SLC35A3: variants seen among roughly 807,000 people sequenced by gnomAD.
SLC35A3 encodes the protein solute carrier family 35 member A3.
SLC35A3 carries 26 observed loss-of-function variants against 39.0 expected under a neutral mutation model. The ratio of observed to expected loss-of-function variants is 0.67; its 90% CI spans 0.49 to 0.92. SLC35A3 has a LOEUF of 0.92. SLC35A3 is among the 40% of genes least tolerant of loss of function. The pLI is 0.00. For synonymous variants in SLC35A3, 135 were observed against 133.1 expected (o/e 1.01, Z -0.10); for missense variants, 299 against 371.6 (o/e 0.80, Z 1.61).
chr1:99,994,201 A>G (rs568612232), intron 2 of SLC35A3, among the ~76,000 whole-genome samples: 13 of 152,272 alleles, frequency 8.5e-5, no homozygotes, highest in East Asian at 7.7e-4. Flanking sequence ...GGTTTTTGGT[A>G]TATTTCAATT....
At position 100,022,633 on chromosome 1, in the gene SLC35A3, T is replaced by C. The variant is rs1660640260; in HGVS notation, c.*157T>C. On this transcript the variant is annotated 3_prime_UTR_variant, in exon 8 of 8. Transcript: ENST00000533028. ...TTTAAGGATAAGACATGTGTATATG[T>C]AACAAAACACATTGCATCTAGAAAT... 1 of 420,276 alleles carries C rather than the reference T, an allele frequency of 2.4e-6. No individual in the cohort carries two copies. The highest frequency in any genetic ancestry group is 4.3e-6 in the Non-Finnish European group (1 of 234,284). The allele number at this position is 420,276 out of a possible 1,614,324, so 26.0% of individuals were successfully genotyped here.
At position 100,031,688 on chromosome 1, in the gene SLC35A3, A is replaced by G. The variant is rs1206561291; in HGVS notation, c.*9212A>G. 6.6e-6 allele frequency: 1 copy of G among 152,210 alleles called. No homozygotes were observed. Among genetic ancestry groups the G allele is most frequent in the East Asian group, 1.9e-4 (1 of 5,196 alleles). The allele number at this position is 152,210 out of a possible 1,614,324, so 9.4% of individuals were successfully genotyped here. On this transcript the variant is annotated 3_prime_UTR_variant, in exon 8 of 8. Coordinates refer to ENST00000533028, the MANE Select transcript of SLC35A3 (RefSeq NM_012243.3). ...AATCTGCATATAAGTGGACCCATGC[A>G]GTTCAAATCTGTTGTTCAAGAGTCA... is the stretch of plus-strand genomic sequence containing the variant.
intron 1 of SLC35A3, among the ~76,000 whole-genome samples, chr1:99,981,362 T>C (rs1334574914): frequency 6.6e-6 from 1 of 152,200 alleles, no homozygotes; most frequent in Non-Finnish European, 1.5e-5. Context: ...TAGCTTACTC[T>C]AAAAATCATA....
intron 1 of SLC35A3, among the ~76,000 whole-genome samples, chr1:99,982,289 C>T (rs1657502480): frequency 6.6e-6 from 1 of 152,180 alleles, no homozygotes; most frequent in Non-Finnish European, 1.5e-5. Context: ...GTGTGAGCCA[C>T]TGCGTCCGGC....
chr1:100,019,636 T>TTTTG (rs371050210), intron 7 of SLC35A3, among the ~76,000 whole-genome samples: 1 of 152,128 alleles, frequency 6.6e-6, no homozygotes, highest in Non-Finnish European at 1.5e-5. Context: ...GAAACTGGGT[T>TTTTG]TTTGTTTGTT....
chr1:100,033,312 A>T lies in SLC35A3; in HGVS notation c.*10836A>T, dbSNP rs1201922311. The T allele has an allele frequency of 2.0e-5, 3 of 151,592 alleles. No individual in the cohort carries two copies. The highest frequency in any genetic ancestry group is 4.4e-5 in the Non-Finnish European group (3 of 67,946). 9.4% of individuals were successfully genotyped at this position (151,592 alleles called of 1,614,324 possible). On this transcript the variant is annotated 3_prime_UTR_variant, in exon 8 of 8. Coordinates refer to ENST00000533028, the MANE Select transcript of SLC35A3 (RefSeq NM_012243.3). ...TCTACAAAAAAAAAAAAAAAGATAA[A>T]TTTTTTCGAAAAGTTTTATATGAAA...
chr1:100,020,802 T>A (rs1202277708), intron 7 of SLC35A3, among the ~76,000 whole-genome samples: 1 of 152,116 alleles, frequency 6.6e-6, no homozygotes, highest in East Asian at 1.9e-4. Context: ...AAGCATTTTC[T>A]AAGAAGCAAG....
intron 1 of SLC35A3, among the ~76,000 whole-genome samples, chr1:99,977,762 C>G (rs1657206715): frequency 6.6e-6 from 1 of 152,156 alleles, no homozygotes; most frequent in South Asian, 2.1e-4. Context: ...TGGTCTGGAA[C>G]TCCTGGGCTC....
At chr1:100,000,169 G>A (rs1658670445) in intron 3 of SLC35A3, among the ~76,000 whole-genome samples, 1 of 152,092 alleles carries the variant, frequency 6.6e-6, no homozygotes, top group Admixed American at 6.6e-5. Flanking sequence ...GTTTTCCATA[G>A]AGGCTGTACT....
At chr1:100,017,578 A>T (rs1660244329) in intron 6 of SLC35A3, 104 bp from the exon 7 acceptor site, 2 of 689,700 alleles carry the variant, frequency 2.9e-6, no homozygotes, top group Middle Eastern at 6.4e-4. Context: ...CTATAATGGG[A>T]TTGAATTTAT....
At position 100,024,060 on chromosome 1, in the gene SLC35A3, A is replaced by G. The variant is rs1047520662; in HGVS notation, c.*1584A>G. ...AGAAGGAGCCACCATTTTGCTTTAA[A>G]ATAGTGGGTTTTTTTCCTTTTTAAT... On this transcript the variant is annotated 3_prime_UTR_variant, in exon 8 of 8. Coordinates refer to ENST00000533028, the MANE Select transcript of SLC35A3 (RefSeq NM_012243.3). 1 of 152,064 alleles carries G rather than the reference A, an allele frequency of 6.6e-6. No homozygotes were observed. The highest frequency in any genetic ancestry group is 1.5e-5 in the Non-Finnish European group (1 of 67,988). The allele number at this position is 152,064 out of a possible 1,614,324, so 9.4% of individuals were successfully genotyped here. A position where few individuals can be genotyped will look rare whatever the true frequency, so the allele number is the denominator to read the frequency against.
At chr1:99,977,109 T>C (rs764912584) in intron 1 of SLC35A3, among the ~76,000 whole-genome samples, 9 of 152,134 alleles carry the variant, frequency 5.9e-5, no homozygotes, top group Admixed American at 2.6e-4. Context: ...AAGAAAACTA[T>C]TTTAAGGCCC....
At chr1:99,984,181 A>T (rs1475663723) in intron 1 of SLC35A3, among the ~76,000 whole-genome samples, 1 of 152,216 alleles carries the variant, frequency 6.6e-6, no homozygotes, top group Non-Finnish European at 1.5e-5. Flanking sequence ...TTAAATTTTT[A>T]AAAATAGCAT....
chr1:99,973,287 A>G (rs919655957), intron 1 of SLC35A3, among the ~76,000 whole-genome samples: 2 of 152,246 alleles, frequency 1.3e-5, no homozygotes, highest in African/African-American at 4.8e-5. Flanking sequence ...TCACACTGAC[A>G]GTTAATAATG....
At chr1:99,982,354 G>A (rs1223078580) in intron 1 of SLC35A3, among the ~76,000 whole-genome samples, 2 of 152,060 alleles carry the variant, frequency 1.3e-5, no homozygotes, top group Non-Finnish European at 2.9e-5. Flanking sequence ...GGTGTTTTGA[G>A]TATTTTAGAA....
At chr1:100,013,550 C>A (rs1428107014) in intron 5 of SLC35A3, among the ~76,000 whole-genome samples, 2 of 151,542 alleles carry the variant, frequency 1.3e-5, no homozygotes, top group Non-Finnish European at 2.9e-5. Context: ...GAAGTCGAGG[C>A]TGCAGTGAGT....
intron 1 of SLC35A3, among the ~76,000 whole-genome samples, chr1:99,973,456 A>C (rs1053411501): frequency 6.6e-6 from 1 of 152,184 alleles, no homozygotes; most frequent in African/African-American, 2.4e-5. Context: ...TATATTTTTA[A>C]TCATTGTTTC....
intron 6 of SLC35A3, among the ~76,000 whole-genome samples, chr1:100,016,216 C>T (rs1230121399): frequency 1.3e-5 from 2 of 151,748 alleles, no homozygotes; most frequent in Admixed American, 6.6e-5. Context: ...AGGCATGTGC[C>T]ACCACGCCCA....
At chr1:99,972,325 TTAC>T (rs1656861738) in intron 1 of SLC35A3, among the ~76,000 whole-genome samples, 1 of 150,194 alleles carries the variant, frequency 6.7e-6, no homozygotes, top group Non-Finnish European at 1.5e-5. Flanking sequence ...GCATTTGTAC[TTAC>T]TACTTTTTTT....
Sources: allele counts gnomAD v4.1 joint callset (sites outside exome capture counted in the v4.1 genomes callset), GRCh38; gene constraint gnomAD v4.1.1; transcripts MANE v1.5; gene names NCBI Gene and HGNC (gene_info 2026-07-23, HGNC 2026-07-21).